The following RAB30 variants were observed in gnomAD, a reference collection of about 807,000 sequenced individuals.
RAB30 encodes RAB30, member RAS oncogene family, also known as ras-related protein Rab-30.
RAB30 carries 9 observed loss-of-function variants against 25.1 expected under a neutral mutation model. The observed-to-expected ratio is 0.36, with a 90% CI of 0.22 to 0.63. The LOEUF (loss-of-function observed/expected upper bound fraction) is 0.63. RAB30 is among the 20% of genes least tolerant of loss of function. The probability of loss-of-function intolerance (pLI) is 0.69; values close to 1 mark genes in which losing one functional copy is unlikely to be tolerated. For missense variants in RAB30, 140 were observed against 243.5 expected, an observed-to-expected ratio of 0.58 and a Z score of 2.83; for synonymous variants, 77 against 86.4, an observed-to-expected ratio of 0.89 and a Z score of 0.60.
intron 1 of RAB30, among the ~76,000 whole-genome samples, chr11:83,037,929 A>C (rs1210904644): frequency 6.6e-6 from 1 of 152,176 alleles, no homozygotes; most frequent in Non-Finnish European, 1.5e-5. Flanking sequence ...CAACGTGCGG[A>C]AGACAGACAG....
intron 3 of RAB30, among the ~76,000 whole-genome samples, chr11:82,990,043 T>A (rs182485599): frequency 1.6e-4 from 25 of 152,312 alleles, no homozygotes; most frequent in Admixed American, 1.4e-3. Context: ...TACAAGATGT[T>A]CTATTAAAAA....
intron 1 of RAB30, among the ~76,000 whole-genome samples, chr11:83,065,006 A>G (rs891005512): frequency 6.6e-6 from 1 of 151,836 alleles, no homozygotes; most frequent in South Asian, 2.1e-4. Context: ...GTTGTCTTTC[A>G]TGCGTGACAT....
At chr11:83,034,054 C>T (rs923647119) in intron 1 of RAB30, 2 of 152,256 alleles carry the variant, frequency 1.3e-5, no homozygotes, top group African/African-American at 4.8e-5. Flanking sequence ...CCCAGCTCAG[C>T]CATGTCTGCC....
chr11:83,032,620 G>C (rs181300372), intron 1 of RAB30, among the ~76,000 whole-genome samples: 1 of 152,300 alleles, frequency 6.6e-6, no homozygotes, highest in African/African-American at 2.4e-5. Flanking sequence ...ATGTGCTACT[G>C]CATCTGGTCA....
intron 1 of RAB30, among the ~76,000 whole-genome samples, chr11:82,998,544 T>A (rs1857008765): frequency 7.9e-6 from 1 of 126,206 alleles, no homozygotes; most frequent in African/African-American, 3.4e-5. Flanking sequence ...TGAGACTCTG[T>A]CTAAAAAAAA....
intron 1 of RAB30, among the ~76,000 whole-genome samples, chr11:83,065,211 C>G (rs1385220710): frequency 6.6e-6 from 1 of 151,732 alleles, no homozygotes; most frequent in Non-Finnish European, 1.5e-5. Context: ...AACATAGTGA[C>G]AGTTTGTCTC....
In RAB30 at chr11:82,981,028, G is replaced by A. The variant is rs982139718; in HGVS notation, c.*1137C>T. 5 of 152,276 alleles carry A rather than the reference G, an allele frequency of 3.3e-5. No homozygotes were observed. Among genetic ancestry groups the A allele is most frequent in the South Asian group, 2.1e-4 (1 of 4,822 alleles). The allele number at this position is 152,276 out of a possible 1,614,324, so 9.4% of individuals were successfully genotyped here. On this transcript the variant is annotated 3_prime_UTR_variant, in exon 5 of 5. Transcript: ENST00000527633. ...ATCATCGAAGATATAAAAATGGGTCGTGAGACTTTTCATCTGTTGCTATTC... is the reference window on the plus strand; with the variant it reads ...ATCATCGAAGATATAAAAATGGGTCATGAGACTTTTCATCTGTTGCTATTC...
chr11:83,007,710 G>A (rs767293808), intron 1 of RAB30, among the ~76,000 whole-genome samples: 4 of 152,192 alleles, frequency 2.6e-5, no homozygotes, highest in Non-Finnish European at 4.4e-5. Context: ...CCCCAGGCGG[G>A]GCTAATTTGT....
intron 1 of RAB30, among the ~76,000 whole-genome samples, chr11:83,008,736 G>C (rs1260695618): frequency 6.6e-6 from 1 of 152,012 alleles, no homozygotes; most frequent in Non-Finnish European, 1.5e-5. Context: ...ACCAAGGCCT[G>C]CTTGAATACA....
At chr11:83,017,136 C>T (rs148160480) in intron 1 of RAB30, among the ~76,000 whole-genome samples, 77 of 152,116 alleles carry the variant, frequency 5.1e-4, no homozygotes, top group African/African-American at 8.9e-4. Flanking sequence ...CCTAGGAGTT[C>T]GAGAACAGCC....
At chr11:83,030,323 C>T (rs569711416) in intron 1 of RAB30, among the ~76,000 whole-genome samples, 4 of 148,938 alleles carry the variant, frequency 2.7e-5, no homozygotes, top group Non-Finnish European at 5.9e-5. Context: ...ATGGTGAGAC[C>T]GCATCTCTTC....
At chr11:83,067,357 G>GA (rs1323955607) in intron 1 of RAB30, among the ~76,000 whole-genome samples, 12 of 150,868 alleles carry the variant, frequency 8.0e-5, no homozygotes, top group Admixed American at 4.0e-4. Flanking sequence ...CTAAAGCTCA[G>GA]AAAAAAAAAT....
intron 1 of RAB30, among the ~76,000 whole-genome samples, chr11:83,044,603 T>C (rs1028828118): frequency 1.3e-5 from 2 of 152,218 alleles, no homozygotes; most frequent in African/African-American, 4.8e-5. Context: ...ATTACCATTG[T>C]CAGATGAGAA....
At chr11:83,027,226 G>A (rs1310964356) in intron 1 of RAB30, among the ~76,000 whole-genome samples, 1 of 152,070 alleles carries the variant, frequency 6.6e-6, no homozygotes, top group African/African-American at 2.4e-5. Flanking sequence ...TGGGTACATG[G>A]GAATTCACTG....
chr11:83,047,360 GA>G (rs1230820041), intron 1 of RAB30, among the ~76,000 whole-genome samples: 1 of 152,202 alleles, frequency 6.6e-6, no homozygotes, highest in Non-Finnish European at 1.5e-5. Flanking sequence ...AAGCTATCTA[GA>G]AAGAGCTATC....
At chr11:83,062,918 G>T (rs550059816) in intron 1 of RAB30, among the ~76,000 whole-genome samples, 4 of 150,422 alleles carry the variant, frequency 2.7e-5, no homozygotes, top group African/African-American at 9.8e-5. Context: ...CAAGAGAATC[G>T]CTTGAACCCA....
intron 1 of RAB30, among the ~76,000 whole-genome samples, chr11:83,048,186 C>T (rs147543622): frequency 6.6e-6 from 1 of 152,234 alleles, no homozygotes; most frequent in African/African-American, 2.4e-5. Flanking sequence ...TCTAGATATG[C>T]TGGCCTAGAA....
intron 4 of RAB30, among the ~76,000 whole-genome samples, chr11:82,985,938 G>A (rs561605901): frequency 6.6e-6 from 1 of 152,126 alleles, no homozygotes; most frequent in Non-Finnish European, 1.5e-5. Context: ...TCCTGCCTCA[G>A]CTTCCCAGAA....
intron 1 of RAB30, among the ~76,000 whole-genome samples, chr11:83,062,729 G>A (rs943566123): frequency 2.6e-5 from 4 of 152,126 alleles, no homozygotes; most frequent in African/African-American, 9.7e-5. Context: ...AGCCAGGCAT[G>A]GTGGCTCACA....
Sources: gnomAD v4.1 joint callset for allele counts (sites outside exome capture counted in the v4.1 genomes callset) on GRCh38, gnomAD v4.1.1 for gene constraint, MANE v1.5 for transcripts, NCBI Gene and HGNC (gene_info 2026-07-23, HGNC 2026-07-21) for gene names.